ZNF773: variants seen among roughly 807,000 people sequenced by gnomAD.
ZNF773 encodes zinc finger protein 773, also known as zinc finger protein 419B.
In ZNF773, 11 loss-of-function variants were observed where a neutral mutation model predicts 12.8. That is an observed-to-expected ratio of 0.86 (90% CI 0.54 to 1.42). The LOEUF is 1.42. ZNF773 is among the 40% of genes most tolerant of loss of function. The pLI is 0.00. For synonymous variants in ZNF773, 175 were observed against 178.4 expected (o/e 0.98, Z 0.15); for missense variants, 518 against 527.2 (o/e 0.98, Z 0.17).
chr19:57,501,509 A>C (rs1002946749), intron 1 of ZNF773, among the ~76,000 whole-genome samples: 4 of 152,182 alleles, frequency 2.6e-5, no homozygotes, highest in African/African-American at 7.2e-5. Flanking sequence ...TACAAACAAT[A>C]GTCCTATTGA....
downstream of ZNF773, among the ~76,000 whole-genome samples, chr19:57,511,990 A>T (rs1389034577): frequency 6.6e-6 from 1 of 152,202 alleles, no homozygotes; most frequent in African/African-American, 2.4e-5. Flanking sequence ...ATCACTGGTT[A>T]TTGGGCCTGT....
downstream of ZNF773, chr19:57,512,934 T>C (rs1471820940): frequency 3.3e-5 from 47 of 1,404,220 alleles, no homozygotes; most frequent in South Asian, 6.9e-4. Context: ...CTCAGGGCCC[T>C]TGTTCCCTAG....
chr19:57,503,209 T>C (rs1330811520), intron 1 of ZNF773, among the ~76,000 whole-genome samples: 2 of 152,170 alleles, frequency 1.3e-5, no homozygotes, highest in Non-Finnish European at 2.9e-5. Flanking sequence ...GAAACCCACA[T>C]GATACAGTTG....
intron 2 of ZNF773, 21 bp downstream of exon 2, chr19:57,504,807 C>G: frequency 1.2e-6 from 2 of 1,608,932 alleles, no homozygotes; most frequent in Non-Finnish European, 1.7e-6. Context: ...CACACCCCAC[C>G]CCAGCATCCT....
In ZNF773 at chr19:57,506,672, TGCAGTGAATGTGGGAAA is replaced by T. The variant is rs907368576; in HGVS notation, c.580_596del (p.Ser194LeufsTer21). ...TCATGCTGGAAAAAGGCATTACAAA[TGCAGTGAATGTGGGAAA>T]GCCTTTGGTCAGAAATATTTACTTG... On this transcript the variant is annotated frameshift_variant, in exon 4 of 4. Coordinates refer to ENST00000282292, the MANE Select transcript of ZNF773 (RefSeq NM_198542.3). LOFTEE classifies it low-confidence loss of function (END_TRUNC). The T allele has an allele frequency of 1.2e-6, 2 of 1,614,208 alleles. No homozygotes were observed. The highest frequency in any genetic ancestry group is 3.3e-5 in the Admixed American group (2 of 60,028).
intron 2 of ZNF773, chr19:57,505,015 C>T (rs2089713203): frequency 1.3e-6 from 1 of 751,338 alleles, no homozygotes; most frequent in Non-Finnish European, 2.3e-6. Context: ...GTCTTGCAGT[C>T]AGCTTGATGG....
rs746888366 is a variant in ZNF773 at position 57,507,446 on chromosome 19, G to A, written c.*22G>A. On this transcript the variant is annotated 3_prime_UTR_variant, in exon 4 of 4. Transcript: ENST00000282292. ...ATGATTGTGAGAAATCCTTTAGCTG[G>A]TGTTTCAACCTCATTCAACACCAGA... The A allele has an allele frequency of 1.9e-6, 3 of 1,561,886 alleles. No homozygotes were observed. The highest frequency in any genetic ancestry group is 2.2e-5 in the East Asian group (1 of 44,558).
intron 1 of ZNF773, among the ~76,000 whole-genome samples, chr19:57,501,297 T>G (rs75266874): frequency 6.6e-6 from 1 of 150,824 alleles, no homozygotes; most frequent in Non-Finnish European, 1.5e-5. Flanking sequence ...TTTTTTTTTT[T>G]GAGACAGAAT....
downstream of ZNF773, chr19:57,515,132 A>G (rs542509729): frequency 5.9e-5 from 9 of 152,340 alleles, no homozygotes; most frequent in South Asian, 1.9e-3. Flanking sequence ...TGAGACTGCC[A>G]CTATTAAAAG....
At position 57,507,977 on chromosome 19, in the gene ZNF773, A is replaced by G. The variant is rs1256759496; in HGVS notation, c.*553A>G. 1 of 184,558 alleles carries G rather than the reference A, an allele frequency of 5.4e-6. No homozygotes were observed. Among genetic ancestry groups the G allele is most frequent in the Non-Finnish European group, 1.0e-5 (1 of 99,068 alleles). 11.4% of individuals were successfully genotyped at this position (184,558 alleles called of 1,614,324 possible). ...GACAGAGTGAGACTCTGTCTAAAAA[A>G]AAAAAAAAAAAAAATTAGCCCGGCG... On this transcript the variant is annotated 3_prime_UTR_variant, in exon 4 of 4. Coordinates refer to ENST00000282292, the MANE Select transcript of ZNF773 (RefSeq NM_198542.3).
downstream of ZNF773, among the ~76,000 whole-genome samples, chr19:57,511,719 TCA>T (rs547784597): frequency 0.019 from 2,755 of 143,114 alleles, 41 homozygotes; most frequent in African/African-American, 0.036. Context: ...AAGCTGTTTT[TCA>T]CACACACACA....
chr19:57,507,050 A>C lies in ZNF773; in HGVS notation c.955A>C (p.Met319Leu), dbSNP rs760785812. 6.2e-7 allele frequency: 1 copy of C among 1,614,190 alleles called. No homozygotes were observed. The highest frequency in any genetic ancestry group is 1.1e-5 in the South Asian group (1 of 91,080). Reference sequence around the variant, plus strand: ...ATTGTTTAGTTTCAACTCCAGCCTCATGAAACATCAGAGAGTTCACACTGG... The same window carrying C: ...ATTGTTTAGTTTCAACTCCAGCCTCCTGAAACATCAGAGAGTTCACACTGG... ...GKLFSFNSSL[M>L]KHQRVHTGER... is the part of the protein sequence containing the mutation. Residue 319 changes from methionine to leucine, a missense_variant, in exon 4 of 4, where the codon ATG becomes CTG. Met to Leu is a conservative substitution (Grantham distance 15). Coordinates refer to ENST00000282292, the MANE Select transcript of ZNF773 (RefSeq NM_198542.3).
In ZNF773 at chr19:57,506,767, TG is replaced by T; in HGVS notation, c.675del (p.Lys226SerfsTer14). The T allele has an allele frequency of 5.6e-6, 9 of 1,614,264 alleles. No individual in the cohort carries two copies. The highest frequency in any genetic ancestry group is 7.6e-6 in the Non-Finnish European group (9 of 1,180,048). On this transcript the variant is annotated frameshift_variant, in exon 4 of 4. Coordinates refer to ENST00000282292, the MANE Select transcript of ZNF773 (RefSeq NM_198542.3). LOFTEE classifies it low-confidence loss of function (END_TRUNC). Reference sequence around the variant, plus strand: ...AAAAGCCTTATGAATGCAGTGAATGTGGGAAGTTATTTAGCCATAAGTCCAA... The same window carrying T: ...AAAAGCCTTATGAATGCAGTGAATGTGGAAGTTATTTAGCCATAAGTCCAA... The part of the protein sequence containing the change: ...GEKPYECSEC[G>X]KLFSHKSNLF...
In ZNF773 at chr19:57,506,471, A is replaced by G. The variant is rs57321658; in HGVS notation, c.376A>G (p.Lys126Glu). The G allele has an allele frequency of 2.6e-3, 4,258 of 1,614,184 alleles. 103 individuals are homozygous for G. In the African/African-American group the frequency reaches 0.048, roughly 18 times the overall value. Reference sequence around the variant, plus strand: ...GCAGCACTGTGGAGAGAAACCCTTAAAAAGACAAGAGGGCAGGGTCCCAGT... The same window carrying G: ...GCAGCACTGTGGAGAGAAACCCTTAGAAAGACAAGAGGGCAGGGTCCCAGT... ...QKQHCGEKPL[K>E]RQEGRVPVLR... The change falls in exon 4 of 4, where the codon AAA becomes GAA. Residue 126 changes from lysine to glutamate, a missense_variant. Lys to Glu is a moderately conservative substitution (Grantham distance 56, BLOSUM62 1). Coordinates refer to ENST00000282292, the MANE Select transcript of ZNF773 (RefSeq NM_198542.3).
downstream of ZNF773, chr19:57,513,719 G>A (rs543075356): frequency 1.3e-5 from 2 of 152,224 alleles, no homozygotes; most frequent in Non-Finnish European, 2.9e-5. Flanking sequence ...ATATTGAAGA[G>A]TCAGCCCCTG....
downstream of ZNF773, chr19:57,514,322 T>C (rs1490711212): frequency 6.6e-6 from 1 of 152,238 alleles, no homozygotes; most frequent in Non-Finnish European, 1.5e-5. Flanking sequence ...CTTTGAATGA[T>C]TTCCAACAAT....
intron 1 of ZNF773, among the ~76,000 whole-genome samples, chr19:57,502,982 C>T (rs778804287): frequency 2.6e-5 from 4 of 152,148 alleles, no homozygotes; most frequent in Non-Finnish European, 5.9e-5. Context: ...TGAGCCACAG[C>T]GCCTAGCCAG....
chr19:57,500,806 T>C (rs554410658), intron 1 of ZNF773, among the ~76,000 whole-genome samples: 1 of 152,242 alleles, frequency 6.6e-6, no homozygotes, highest in Non-Finnish European at 1.5e-5. Context: ...GGAGGTGTCA[T>C]GTCCACATGA....
In ZNF773 at chr19:57,500,794, G is replaced by T. The variant is rs981685474; in HGVS notation, c.33+681G>T. ...CATGGTGATCCTGAGATGTCCCAGA[G>T]TGGAGGTGTCATGTCCACATGAGCA... On this transcript the variant is annotated intron_variant, in intron 1 of 3. Transcript: ENST00000282292. 7.1e-4 allele frequency among the ~76,000 whole-genome samples: 108 copies of T among 152,200 alleles called. 2 individuals carry two copies. The highest frequency in any genetic ancestry group is 3.4e-4 in the Non-Finnish European group (23 of 68,036).
Sources: gnomAD v4.1 joint callset for allele counts (sites outside exome capture counted in the v4.1 genomes callset) on GRCh38, gnomAD v4.1.1 for gene constraint, MANE v1.5 for transcripts, NCBI Gene and HGNC (gene_info 2026-07-23, HGNC 2026-07-21) for gene names.